The following ZNF333 variants were observed in gnomAD, a reference collection of about 807,000 sequenced individuals.
ZNF333 encodes the protein zinc finger protein 333.
Under a neutral mutation model 76.1 loss-of-function variants are expected in ZNF333, and 61 were observed. That is an observed-to-expected ratio of 0.80 (90% confidence interval 0.65 to 0.99). The LOEUF (loss-of-function observed/expected upper bound fraction) is 0.99, where lower values mean the gene tolerates loss of function less well. Ranked by LOEUF, ZNF333 falls within the 50% of genes least tolerant of loss-of-function variation. The pLI is 0.00. For synonymous variants in ZNF333, 284 were observed against 305.0 expected (o/e 0.93, Z 0.72); for missense variants, 717 against 822.4 (o/e 0.87, Z 1.57).
Position 14,720,956 on chromosome 19 carries a change from T to C in ZNF333, c.*1631T>C. The C allele has an allele frequency of 5.5e-6, 5 of 911,928 alleles. No homozygotes were observed. Among genetic ancestry groups the C allele is most frequent in the Non-Finnish European group, 6.6e-6 (5 of 763,210 alleles). The allele number at this position is 911,928 out of a possible 1,614,324, so 56.5% of individuals were successfully genotyped here. A position where few individuals can be genotyped will look rare whatever the true frequency, so the allele number is the denominator to read the frequency against. ...TATAGATACTGACATTTTTTACATT[T>C]CCAACAAATTGTTACTTTTATTCTT... On this transcript the variant is annotated 3_prime_UTR_variant, in exon 12 of 12. Coordinates refer to ENST00000292530, the MANE Select transcript of ZNF333 (RefSeq NM_032433.4).
intron 7 of ZNF333, 101 bp from the exon 8 acceptor site, chr19:14,715,277 GTGTA>G: frequency 1.2e-6 from 1 of 862,660 alleles, no homozygotes; most frequent in East Asian, 2.6e-5. Flanking sequence ...GCATGTGTGT[GTGTA>G]CACATGTGAT....
Position 14,695,555 on chromosome 19 carries a change from T to C in ZNF333, c.128-11T>C, listed in dbSNP as rs780895444. 3 of 1,613,884 alleles carry C rather than the reference T, an allele frequency of 1.9e-6. No homozygotes were observed. The highest frequency in any genetic ancestry group is 2.5e-6 in the Non-Finnish European group (3 of 1,179,768). ...CTCTCTCTCAGTGCCTGTGTCTTTC[T>C]TCATGTGCAGGAACTCCACCATGCA... On this transcript the variant is annotated splice_polypyrimidine_tract_variant and intron_variant, in intron 3 of 11. Coordinates refer to ENST00000292530, the MANE Select transcript of ZNF333 (RefSeq NM_032433.4).
At chr19:14,731,085 C>T in intron 11 of ZNF333, 1 of 1,187,210 alleles carries the variant, frequency 8.4e-7, no homozygotes, top group Non-Finnish European at 1.2e-6. Context: ...CACCGCCCCT[C>T]CTGCCCCCTC....
At chr19:14,705,193 G>A in intron 6 of ZNF333, 23 bp downstream of exon 6, 1 of 1,606,250 alleles carries the variant, frequency 6.2e-7, no homozygotes, top group South Asian at 1.1e-5. Context: ...GAGGTTCACT[G>A]TGATGGCACC....
At position 14,718,260 on chromosome 19, in the gene ZNF333, A is replaced by G. The variant is rs1568555197; in HGVS notation, c.933A>G (p.Lys311=). The change falls in exon 12 of 12, where the codon AAA becomes AAG. Residue 311 remains lysine, a synonymous_variant. Transcript: ENST00000292530. ...CTCAGCCTGGAGAAAAACTCTATAA[A>G]TATAATGAACTTGAGAAACCTTTTA... The part of the protein sequence containing the change: ...EQPQPGEKLY[K]YNELEKPFNS... The G allele has an allele frequency of 6.2e-7, 1 of 1,613,020 alleles. No individual in the cohort carries two copies. The highest frequency in any genetic ancestry group is 8.5e-7 in the Non-Finnish European group (1 of 1,179,614).
chr19:14,702,011 C>A, intron 5 of ZNF333: 1 of 626,554 alleles, frequency 1.6e-6, no homozygotes, highest in Non-Finnish European at 2.0e-6. Flanking sequence ...ATGGTGCTGA[C>A]CCTTTAGGTA....
downstream of ZNF333, among the ~76,000 whole-genome samples, chr19:14,724,747 C>A (rs1049760246): frequency 2.0e-5 from 3 of 152,138 alleles, no homozygotes; most frequent in African/African-American, 7.2e-5. Context: ...GCCTGGGCAA[C>A]AAGAGTGAAA....
At chr19:14,701,642 C>G in intron 5 of ZNF333, 1 of 985,420 alleles carries the variant, frequency 1.0e-6, no homozygotes, top group South Asian at 4.7e-5. Context: ...GGGCCCGGTG[C>G]CCTCTTTGTT....
rs1041485095 is a variant in ZNF333, at chr19:14,699,210, C to G, written c.235C>G (p.Gln79Glu). 1 of 1,613,810 alleles carries G rather than the reference C, an allele frequency of 6.2e-7. No individual in the cohort carries two copies. The highest frequency in any genetic ancestry group is 1.3e-5 in the African/African-American group (1 of 75,006). ...LRATGVAWES[Q>E]LKPEELPSMQ... ...CCCATTCATTTCAGCCTGGGAATCTCAACTTAAACCCGAAGAGTTGCCTTC... is the reference window on the plus strand; with the variant it reads ...CCCATTCATTTCAGCCTGGGAATCTGAACTTAAACCCGAAGAGTTGCCTTC... Residue 79 changes from glutamine to glutamate, a missense_variant, in exon 5 of 12, where the codon CAA becomes GAA. Coordinates refer to ENST00000292530, the MANE Select transcript of ZNF333 (RefSeq NM_032433.4).
At chr19:14,729,881 C>A (rs1042758710) in intron 11 of ZNF333, among the ~76,000 whole-genome samples, 1 of 152,112 alleles carries the variant, frequency 6.6e-6, no homozygotes, top group African/African-American at 2.4e-5. Context: ...TTGATAAATA[C>A]ATCCAATTTT....
chr19:14,697,078 A>G (rs751014535), intron 4 of ZNF333, among the ~76,000 whole-genome samples: 3 of 152,148 alleles, frequency 2.0e-5, no homozygotes, highest in Non-Finnish European at 4.4e-5. Flanking sequence ...ATACTGTTGT[A>G]TGGGAATTGC....
chr19:14,727,957 T>C (rs1269355219), intron 11 of ZNF333, among the ~76,000 whole-genome samples: 1 of 152,196 alleles, frequency 6.6e-6, no homozygotes, highest in Admixed American at 6.5e-5. Context: ...GTGCGGTGGC[T>C]CACGCCTGTA....
At chr19:14,689,903 C>G (rs953035049), upstream of ZNF333, 2 of 152,540 alleles carry the variant, frequency 1.3e-5, no homozygotes, top group African/African-American at 4.8e-5. Context: ...CACTCCAGAG[C>G]CTAACCTCAT....
Position 14,715,378 on chromosome 19 carries a change from C to T in ZNF333, c.512-4C>T. ...ACCCTCATGCCTCTTCCCTTCTCCC[C>T]TAGCTGTGCCTGCACGTGACCCTGC... is the stretch of plus-strand genomic sequence containing the variant. On this transcript the variant is annotated splice_region_variant and splice_polypyrimidine_tract_variant and intron_variant, in intron 7 of 11. Transcript: ENST00000292530. 1 of 1,613,700 alleles carries T rather than the reference C, an allele frequency of 6.2e-7. No homozygotes were observed. Among genetic ancestry groups the T allele is most frequent in the Non-Finnish European group, 8.5e-7 (1 of 1,179,810 alleles).
intron 7 of ZNF333, chr19:14,708,417 C>T (rs1457792584): frequency 1.7e-5 from 7 of 401,088 alleles, no homozygotes; most frequent in South Asian, 1.3e-4. Context: ...GTGGAGCTCA[C>T]GGTCAGCTGG....
intron 11 of ZNF333, among the ~76,000 whole-genome samples, chr19:14,727,542 G>C (rs974717501): frequency 1.1e-4 from 16 of 152,140 alleles, no homozygotes; most frequent in Admixed American, 5.2e-4. Flanking sequence ...AACTACCAGA[G>C]CAAGAACTGA....
chr19:14,719,837 C>T lies in ZNF333; in HGVS notation c.*512C>T, dbSNP rs1341086182. ...TGCCAACCCAAATTACCCCTTCCTC[C>T]TTAGAAAAGAACCTGGGTTTTCTGT... On this transcript the variant is annotated 3_prime_UTR_variant, in exon 12 of 12. Transcript: ENST00000292530. 7.1e-6 allele frequency: 7 copies of T among 986,568 alleles called. No homozygotes were observed. The highest frequency in any genetic ancestry group is 8.4e-6 in the Non-Finnish European group (7 of 830,970). The allele number at this position is 986,568 out of a possible 1,614,324, so 61.1% of individuals were successfully genotyped here.
rs764056947 is a variant in ZNF333 at position 14,705,042 on chromosome 19, G to T, written c.307-12G>T. 1 of 1,613,004 alleles carries T rather than the reference G, an allele frequency of 6.2e-7. No homozygotes were observed. The highest frequency in any genetic ancestry group is 1.1e-5 in the South Asian group (1 of 90,998). ...ACTCTGTCCTGCTCAGCACCCTCTT[G>T]TCTTTTGCCAGGGGCCGGGGCTGTT... On this transcript the variant is annotated splice_polypyrimidine_tract_variant and intron_variant, in intron 5 of 11. Coordinates refer to ENST00000292530, the MANE Select transcript of ZNF333 (RefSeq NM_032433.4).
At chr19:14,692,909 G>A (rs1972881264) in intron 1 of ZNF333, among the ~76,000 whole-genome samples, 1 of 149,634 alleles carries the variant, frequency 6.7e-6, no homozygotes, top group African/African-American at 2.5e-5. Flanking sequence ...TGTAACCTCC[G>A]CCTCCTGGGT....
Sources: allele counts gnomAD v4.1 joint callset (sites outside exome capture counted in the v4.1 genomes callset), GRCh38; gene constraint gnomAD v4.1.1; transcripts MANE v1.5; gene names NCBI Gene and HGNC (gene_info 2026-07-23, HGNC 2026-07-21).